The following SIPA1L1 variants were observed in gnomAD, a reference collection of about 807,000 sequenced individuals.
The protein encoded by SIPA1L1 is signal induced proliferation associated 1 like 1.
In SIPA1L1, 26 loss-of-function variants were observed where a neutral mutation model predicts 162.7. The ratio of observed to expected loss-of-function variants is 0.16; its 90% CI spans 0.12 to 0.22. SIPA1L1 has a LOEUF of 0.22. Ranked by LOEUF, SIPA1L1 falls within the 10% of genes least tolerant of loss-of-function variation. The pLI is 1.00. For synonymous variants in SIPA1L1, 829 were observed against 837.4 expected (o/e 0.99, Z 0.17); for missense variants, 1,874 against 2,241.0 (o/e 0.84, Z 3.31).
At chr14:71,650,308 T>C (rs753524069) in intron 7 of SIPA1L1, 27 bp from the exon 8 acceptor site, 1 of 1,613,220 alleles carries the variant, frequency 6.2e-7, no homozygotes, top group Non-Finnish European at 8.5e-7. Flanking sequence ...CCTATATTTA[T>C]ATGCATCGTA....
At chr14:71,502,425 G>T (rs543667146) in intron 2 of SIPA1L1, among the ~76,000 whole-genome samples, 4 of 151,318 alleles carry the variant, frequency 2.6e-5, no homozygotes, top group Admixed American at 6.6e-5. Flanking sequence ...GTGTGTGTGT[G>T]TTTTTAGTAG....
intron 2 of SIPA1L1, among the ~76,000 whole-genome samples, chr14:71,335,234 G>A (rs943027154): frequency 6.6e-6 from 1 of 152,148 alleles, no homozygotes; most frequent in South Asian, 2.1e-4. Flanking sequence ...CCCAGGAGGC[G>A]GAGCTTGCAG....
intron 2 of SIPA1L1, among the ~76,000 whole-genome samples, chr14:71,493,415 T>G (rs2049455634): frequency 6.6e-6 from 1 of 152,192 alleles, no homozygotes; most frequent in Admixed American, 6.5e-5. Flanking sequence ...GAAGAACTAC[T>G]TGGGCAGATG....
intron 7 of SIPA1L1, among the ~76,000 whole-genome samples, chr14:71,634,154 A>G (rs1160950363): frequency 6.6e-6 from 1 of 151,992 alleles, no homozygotes; most frequent in African/African-American, 2.4e-5. Context: ...TAATCCCAGC[A>G]CTTTGGGAGG....
Position 71,619,990 on chromosome 14 carries a change from A to G in SIPA1L1, c.1629+1103A>G, listed in dbSNP as rs1020032258. ...TTATTTTTTTGAGCACAAAGGCACG[A>G]AGAACGTCATGTTCTGTGTTTTGGA... On this transcript the variant is annotated intron_variant, in intron 6 of 23. Coordinates refer to ENST00000381232, the MANE Select transcript of SIPA1L1 (RefSeq NM_001386936.1). 1.6e-4 allele frequency among the ~76,000 whole-genome samples: 24 copies of G among 152,338 alleles called. No homozygotes were observed. In the South Asian group the frequency reaches 1.9e-3, roughly 12 times the overall value.
At chr14:71,602,551 A>G (rs970865080) in intron 5 of SIPA1L1, among the ~76,000 whole-genome samples, 2 of 152,228 alleles carry the variant, frequency 1.3e-5, no homozygotes, top group African/African-American at 4.8e-5. Context: ...AATGAAATAT[A>G]TTCTGTAAAT....
chr14:71,591,462 A>T (rs1471156921), intron 5 of SIPA1L1, among the ~76,000 whole-genome samples: 1 of 152,202 alleles, frequency 6.6e-6, no homozygotes, highest in East Asian at 1.9e-4. Context: ...TGGAATAAAA[A>T]TGTGAATGCC....
At chr14:71,563,164 T>C (rs1472133993) in intron 4 of SIPA1L1, among the ~76,000 whole-genome samples, 2 of 152,182 alleles carry the variant, frequency 1.3e-5, no homozygotes, top group Admixed American at 1.3e-4. Context: ...TTTCAGTTGA[T>C]TTCTCTTTTT....
intron 2 of SIPA1L1, among the ~76,000 whole-genome samples, chr14:71,431,222 A>G (rs1363994257): frequency 6.6e-6 from 1 of 152,192 alleles, no homozygotes; most frequent in Non-Finnish European, 1.5e-5. Flanking sequence ...GTTAGAAGAA[A>G]ACCACCCACT....
chr14:71,329,137 C>T (rs1441496396), intron 2 of SIPA1L1, among the ~76,000 whole-genome samples: 3 of 152,128 alleles, frequency 2.0e-5, no homozygotes, highest in Admixed American at 1.3e-4. Context: ...AGTATTCCGT[C>T]GTATGGGTAT....
chr14:71,728,480 G>A (rs1448199682), intron 19 of SIPA1L1, among the ~76,000 whole-genome samples: 1 of 152,200 alleles, frequency 6.6e-6, no homozygotes, highest in African/African-American at 2.4e-5. Context: ...CACATCTTGG[G>A]TGTATTCACA....
In SIPA1L1 at chr14:71,723,637, T is replaced by TTC; in HGVS notation, c.4209-7_4209-6dup. The TTC allele has an allele frequency of 6.2e-7, 1 of 1,614,000 alleles. No homozygotes were observed. The highest frequency in any genetic ancestry group is 8.5e-7 in the Non-Finnish European group (1 of 1,179,842). On this transcript the variant is annotated splice_polypyrimidine_tract_variant and intron_variant, in intron 17 of 23. Transcript: ENST00000381232. The stretch of plus-strand genomic sequence containing the variant: ...TGAGATACACATGTCTTTGCCCTGC[T>TTC]TCTCCTCAGTACCATGAGCTCCCGA...
chr14:71,485,512 G>A (rs1275798423), intron 2 of SIPA1L1, among the ~76,000 whole-genome samples: 4 of 151,858 alleles, frequency 2.6e-5, no homozygotes, highest in Non-Finnish European at 4.4e-5. Flanking sequence ...TCTAGGTTAC[G>A]TGCTCCTTAT....
In SIPA1L1 at chr14:71,705,231, G is replaced by T. The variant is rs756249981; in HGVS notation, c.3656G>T (p.Cys1219Phe). ...DSIADQMEPTCHLPAVSKVLP... is the reference protein window; with the variant it reads ...DSIADQMEPTFHLPAVSKVLP... ...CTATGCTGTATTCCAGAGCCAACAT[G>T]CCATCTCCCAGCAGTATCAAAGGTA... Residue 1219 changes from cysteine to phenylalanine, a missense_variant, in exon 16 of 24, where the codon TGC becomes TTC. Around this residue, in one of 5 missense-constraint regions of SIPA1L1, gnomAD observed 936 missense variants for 1,051.9 expected, o/e 0.89. Transcript: ENST00000381232. 1.9e-6 allele frequency: 3 copies of T among 1,612,880 alleles called. No homozygotes were observed. Among genetic ancestry groups the T allele is most frequent in the South Asian group, 1.1e-5 (1 of 91,062 alleles).
intron 3 of SIPA1L1, among the ~76,000 whole-genome samples, chr14:71,522,395 A>G (rs2052447414): frequency 6.6e-6 from 1 of 152,130 alleles, no homozygotes; most frequent in Non-Finnish European, 1.5e-5. Flanking sequence ...ATCTTCTTCT[A>G]GTACAGTGTG....
At chr14:71,507,493 GGTT>G (rs1478387410) in intron 2 of SIPA1L1, among the ~76,000 whole-genome samples, 1 of 152,098 alleles carries the variant, frequency 6.6e-6, no homozygotes, top group African/African-American at 2.4e-5. Flanking sequence ...ACTTGAATTT[GGTT>G]GTTAAGTAGA....
chr14:71,675,396 C>A (rs1298834092), intron 12 of SIPA1L1, among the ~76,000 whole-genome samples: 1 of 152,122 alleles, frequency 6.6e-6, no homozygotes, highest in Admixed American at 6.5e-5. Context: ...ATCTGAAAAG[C>A]CATACAGTTT....
intron 4 of SIPA1L1, among the ~76,000 whole-genome samples, chr14:71,538,251 C>G (rs368632308): frequency 2.6e-5 from 4 of 152,038 alleles, no homozygotes; most frequent in Non-Finnish European, 5.9e-5. Context: ...TTGGTCCCAG[C>G]GAGGTGATTT....
chr14:71,388,955 T>G (rs1011507314), intron 2 of SIPA1L1, among the ~76,000 whole-genome samples: 1 of 152,208 alleles, frequency 6.6e-6, no homozygotes, highest in Non-Finnish European at 1.5e-5. Context: ...TTTTTGTTGT[T>G]GTTTGGTAGA....
Sources: gnomAD v4.1 joint callset for allele counts (sites outside exome capture counted in the v4.1 genomes callset) on GRCh38, gnomAD v4.1.1 for gene constraint, gnomAD v4.1.1 regional missense constraint, MANE v1.5 for transcripts, NCBI Gene and HGNC (gene_info 2026-07-23, HGNC 2026-07-21) for gene names.